Variants in RSPH10B observed in about 807,000 individuals in gnomAD.
The protein encoded by RSPH10B is radial spoke head 10 homolog B (Chlamydomonas).
Under a neutral mutation model 52.5 loss-of-function variants are expected in RSPH10B, and 7 were observed. The observed-to-expected ratio is 0.13, with a 90% CI of 0.08 to 0.25. RSPH10B has a LOEUF of 0.25. Among genes scored for constraint, RSPH10B ranks in the 10% least tolerant of loss-of-function variants. RSPH10B has a pLI of 1.00. For missense variants in RSPH10B, 89 were observed against 542.5 expected (o/e 0.16, Z 8.30); for synonymous variants, 28 against 193.2 (o/e 0.14, Z 7.09).
In RSPH10B at chr7:5,943,647, G is replaced by A. The variant is rs1317981023; in HGVS notation, c.1610-175C>T. 1.3e-4 allele frequency among the ~76,000 whole-genome samples: 19 copies of A among 148,196 alleles called. 1 individual carries two copies. Among genetic ancestry groups the A allele is most frequent in the Admixed American group, 1.1e-3 (16 of 14,650 alleles). On this transcript the variant is annotated intron_variant, in intron 12 of 18. Coordinates refer to ENST00000337579, the Ensembl canonical transcript of RSPH10B. Reference sequence around the variant, plus strand: ...CAACCTCCGCCCCCCAGGCTCAAGCGATTCTCCTGCCTCAGCCTCCCGAGT... The same window carrying A: ...CAACCTCCGCCCCCCAGGCTCAAGCAATTCTCCTGCCTCAGCCTCCCGAGT...
intron 18 of RSPH10B, among the ~76,000 whole-genome samples, chr7:5,927,068 ATATGTGTG>A (rs1191407378): frequency 1.8e-5 from 1 of 54,860 alleles, no homozygotes; most frequent in Non-Finnish European, 3.7e-5. Flanking sequence ...GTGTGTGTGT[ATATGTGTG>A]TGTGTGTGTG....
chr7:5,956,730 G>A (rs1374896883), intron 6 of RSPH10B, among the ~76,000 whole-genome samples: 2 of 145,136 alleles, frequency 1.4e-5, no homozygotes, highest in East Asian at 2.1e-4. Flanking sequence ...AACCACTCCC[G>A]GCTAATTTTT....
intron 10 of RSPH10B, among the ~76,000 whole-genome samples, chr7:5,945,501 CT>C (rs1361805157): frequency 7.8e-6 from 1 of 128,002 alleles, no homozygotes; most frequent in African/African-American, 3.0e-5. Flanking sequence ...CACCTGTAAT[CT>C]CAGCTGCTTG....
chr7:5,931,981 C>T (rs1163673594), intron 17 of RSPH10B, among the ~76,000 whole-genome samples: 1 of 151,078 alleles, frequency 6.6e-6, no homozygotes, highest in African/African-American at 2.4e-5. Flanking sequence ...AAAGTAAAAC[C>T]CTGTCTCAAA....
chr7:5,928,419 A>G (rs1472251678), intron 17 of RSPH10B, 25 bp from the exon 20 acceptor site: 1 of 1,601,136 alleles, frequency 6.2e-7, no homozygotes, highest in Non-Finnish European at 8.6e-7. Context: ...CATGAAGCTG[A>G]ACATGAATAC....
intron 13 of RSPH10B, among the ~76,000 whole-genome samples, chr7:5,939,637 C>T (rs1476365332): frequency 1.5e-5 from 1 of 68,402 alleles, no homozygotes; most frequent in Admixed American, 1.5e-4. Flanking sequence ...CACACACACA[C>T]GTATTTACCT....
chr7:5,956,600 C>T (rs1377829895), intron 6 of RSPH10B, among the ~76,000 whole-genome samples: 2 of 147,784 alleles, frequency 1.4e-5, no homozygotes, highest in African/African-American at 4.9e-5. Context: ...GAGAAAGGGT[C>T]TCACTCTGTT....
intron 7 of RSPH10B, among the ~76,000 whole-genome samples, chr7:5,954,210 C>T (rs1780672004): frequency 9.7e-6 from 1 of 102,952 alleles, no homozygotes; most frequent in Admixed American, 1.1e-4. Flanking sequence ...ACAGTCTTAA[C>T]TCACTGCAAC....
At chr7:5,941,814 A>G (rs1430026573) in intron 13 of RSPH10B, among the ~76,000 whole-genome samples, 4 of 144,124 alleles carry the variant, frequency 2.8e-5, no homozygotes, top group East Asian at 1.9e-4. Flanking sequence ...TGTTGTCACT[A>G]TTTTCCCAAG....
chr7:5,927,066 G>GTGTGTGTATATA (rs1554284543), intron 18 of RSPH10B, among the ~76,000 whole-genome samples: 64 of 107,310 alleles, frequency 6.0e-4, no homozygotes, highest in East Asian at 2.0e-3. Context: ...GTGTGTGTGT[G>GTGTGTGTATATA]TATATGTGTG....
chr7:5,929,006 C>A (rs1173884218), intron 17 of RSPH10B, among the ~76,000 whole-genome samples: 4 of 146,322 alleles, frequency 2.7e-5, no homozygotes, highest in African/African-American at 7.7e-5. Context: ...AAACTCGTTT[C>A]TCTTGCTTTT....
chr7:5,948,062 C>T (rs1317428412), intron 10 of RSPH10B, among the ~76,000 whole-genome samples, 158 bp downstream of exon 12: 2 of 12,392 alleles, frequency 1.6e-4, no homozygotes, highest in African/African-American at 7.6e-4. Flanking sequence ...TTAGTAGAGA[C>T]GGGGTTTCAC....
At chr7:5,927,690 C>T (rs931967008) in intron 18 of RSPH10B, among the ~76,000 whole-genome samples, 5 of 147,470 alleles carry the variant, frequency 3.4e-5, no homozygotes, top group African/African-American at 1.3e-4. Context: ...GACCCCAGCA[C>T]TTTGGGAGGC....
intron 3 of RSPH10B, among the ~76,000 whole-genome samples, chr7:5,963,875 T>C (rs1583250544): frequency 1.0e-5 from 1 of 95,880 alleles, no homozygotes. Flanking sequence ...GAGACCAGCC[T>C]GGGCAACATG....
intron 15 of RSPH10B, 75 bp downstream of exon 17, chr7:5,937,683 G>A: frequency 4.0e-6 from 3 of 757,728 alleles, no homozygotes; most frequent in South Asian, 2.8e-5. Context: ...TGGGATTACA[G>A]GCGTGAGCCA....
chr7:5,942,673 G>T (rs964431936), intron 13 of RSPH10B, among the ~76,000 whole-genome samples: 1 of 149,702 alleles, frequency 6.7e-6, no homozygotes, highest in Non-Finnish European at 1.5e-5. Context: ...ACCAGCCTGG[G>T]CAACATGGTG....
At chr7:5,944,768 G>A (rs1459071930) in intron 11 of RSPH10B, among the ~76,000 whole-genome samples, 1 of 146,780 alleles carries the variant, frequency 6.8e-6, no homozygotes, top group African/African-American at 2.6e-5. Context: ...AAACCAGCCT[G>A]GCCAACATGG....
At chr7:5,942,384 G>A (rs1047268096) in intron 13 of RSPH10B, among the ~76,000 whole-genome samples, 5 of 130,434 alleles carry the variant, frequency 3.8e-5, no homozygotes, top group South Asian at 2.3e-4. Flanking sequence ...GCACTACCAC[G>A]CCCGGCTATG....
intron 13 of RSPH10B, 198 bp downstream of exon 15, chr7:5,943,126 G>C: frequency 7.9e-7 from 1 of 1,262,826 alleles, no homozygotes; most frequent in Non-Finnish European, 1.1e-6. Flanking sequence ...TATTGGGCAG[G>C]TGACGGCTGT....
Sources: allele counts gnomAD v4.1 joint callset (sites outside exome capture counted in the v4.1 genomes callset), GRCh38; gene constraint gnomAD v4.1.1; transcripts MANE v1.5; gene names NCBI Gene and HGNC (gene_info 2026-07-23, HGNC 2026-07-21).